CYP7B1: variants seen among roughly 807,000 people sequenced by gnomAD.
The protein encoded by CYP7B1 is cytochrome P450 family 7 subfamily B member 1.
In CYP7B1, 29 loss-of-function variants were observed where a neutral mutation model predicts 42.7. The ratio of observed to expected loss-of-function variants is 0.68; its 90% CI spans 0.51 to 0.93. The LOEUF is 0.93. CYP7B1 is among the 40% of genes least tolerant of loss of function. The pLI is 0.00. For synonymous variants in CYP7B1, 235 were observed against 218.2 expected, an observed-to-expected ratio of 1.08 and a Z score of -0.68; for missense variants, 655 against 600.5, an observed-to-expected ratio of 1.09 and a Z score of -0.95.
intron 1 of CYP7B1, among the ~76,000 whole-genome samples, chr8:64,739,747 A>G (rs1004686142): frequency 1.3e-5 from 2 of 152,208 alleles, no homozygotes; most frequent in African/African-American, 2.4e-5. Context: ...CTGAATATTC[A>G]CATCTTGACA....
chr8:64,609,663 T>A (rs1249692692), intron 4 of CYP7B1, among the ~76,000 whole-genome samples: 1 of 152,058 alleles, frequency 6.6e-6, no homozygotes, highest in Admixed American at 6.6e-5. Context: ...TATTAATTTA[T>A]GTCCCTAGAC....
chr8:64,732,215 G>A (rs1354775998), intron 1 of CYP7B1, among the ~76,000 whole-genome samples: 2 of 152,312 alleles, frequency 1.3e-5, no homozygotes, highest in African/African-American at 4.8e-5. Flanking sequence ...GCCTGTGAAA[G>A]CAGCTGGGAG....
chr8:64,682,103 C>A (rs1355918707), intron 1 of CYP7B1, among the ~76,000 whole-genome samples: 1 of 152,084 alleles, frequency 6.6e-6, no homozygotes. Context: ...GGCAACCGTT[C>A]ATTAGAAAAT....
At chr8:64,738,434 G>A (rs546375053) in intron 1 of CYP7B1, among the ~76,000 whole-genome samples, 2 of 152,162 alleles carry the variant, frequency 1.3e-5, no homozygotes, top group Non-Finnish European at 2.9e-5. Flanking sequence ...TCACAGAATC[G>A]TTGGCAAATC....
At chr8:64,695,253 A>G (rs1806806203) in intron 1 of CYP7B1, among the ~76,000 whole-genome samples, 1 of 152,122 alleles carries the variant, frequency 6.6e-6, no homozygotes, top group Non-Finnish European at 1.5e-5. Context: ...GTCTCAGAAG[A>G]GGTCTGAGGA....
chr8:64,767,853 G>A (rs1243992166), intron 1 of CYP7B1, among the ~76,000 whole-genome samples: 2 of 152,052 alleles, frequency 1.3e-5, no homozygotes, highest in South Asian at 2.1e-4. Context: ...AAGATCTACC[G>A]CAGACCCCTG....
intron 1 of CYP7B1, among the ~76,000 whole-genome samples, chr8:64,759,025 A>G (rs1403618336): frequency 6.6e-6 from 1 of 152,210 alleles, no homozygotes; most frequent in Non-Finnish European, 1.5e-5. Context: ...AGTTCACCAA[A>G]CACCATGGAG....
chr8:64,723,171 ACTCTGCAGCATG>A (rs1472650891), intron 1 of CYP7B1, among the ~76,000 whole-genome samples: 12 of 152,194 alleles, frequency 7.9e-5, no homozygotes, highest in Admixed American at 7.9e-4. Flanking sequence ...ACATGAGATA[ACTCTGCAGCATG>A]CTCCAGTGAC....
chr8:64,730,070 T>C (rs1807385623), intron 1 of CYP7B1, among the ~76,000 whole-genome samples: 1 of 152,050 alleles, frequency 6.6e-6, no homozygotes, highest in Admixed American at 6.5e-5. Flanking sequence ...TATTGATTGA[T>C]TGATTGATTG....
At chr8:64,615,585 T>C (rs1805426307) in intron 3 of CYP7B1, 106 bp downstream of exon 3, 1 of 1,080,938 alleles carries the variant, frequency 9.3e-7, no homozygotes, top group Non-Finnish European at 1.4e-6. Flanking sequence ...ATTAGCCAAT[T>C]AGAAAGAGCA....
At chr8:64,781,294 G>A (rs913973058) in intron 1 of CYP7B1, among the ~76,000 whole-genome samples, 2 of 152,154 alleles carry the variant, frequency 1.3e-5, no homozygotes, top group Admixed American at 6.5e-5. Context: ...AAGAACATGG[G>A]GAATATGGCC....
chr8:64,587,093 C>T (rs1023517368), downstream of CYP7B1, among the ~76,000 whole-genome samples: 1 of 152,194 alleles, frequency 6.6e-6, no homozygotes, highest in African/African-American at 2.4e-5. Flanking sequence ...GGTAGGATAA[C>T]GAGGAGAGTG....
At chr8:64,619,698 A>G (rs557825026) in intron 2 of CYP7B1, among the ~76,000 whole-genome samples, 1 of 152,216 alleles carries the variant, frequency 6.6e-6, no homozygotes, top group African/African-American at 2.4e-5. Flanking sequence ...TAGCCTTTCC[A>G]CTTCCGTTAA....
intron 1 of CYP7B1, among the ~76,000 whole-genome samples, chr8:64,673,303 A>G (rs900088495): frequency 6.6e-6 from 1 of 152,128 alleles, no homozygotes; most frequent in African/African-American, 2.4e-5. Flanking sequence ...TCTGTTCAGG[A>G]ATTGGAATGC....
At chr8:64,660,309 C>T (rs1806182728) in intron 1 of CYP7B1, among the ~76,000 whole-genome samples, 1 of 152,120 alleles carries the variant, frequency 6.6e-6, no homozygotes, top group African/African-American at 2.4e-5. Context: ...ACAAACTAGC[C>T]CTAAACCAAT....
intron 2 of CYP7B1, among the ~76,000 whole-genome samples, chr8:64,621,910 ATT>A (rs879613313): frequency 5.9e-5 from 8 of 136,340 alleles, no homozygotes; most frequent in South Asian, 2.4e-4. Context: ...TAATTTTTGT[ATT>A]TTTTTTTTTT....
chr8:64,690,806 T>C (rs1806728238), intron 1 of CYP7B1, among the ~76,000 whole-genome samples: 1 of 152,238 alleles, frequency 6.6e-6, no homozygotes, highest in Non-Finnish European at 1.5e-5. Context: ...TGCTGTGGGA[T>C]GTGGATACAA....
intron 1 of CYP7B1, among the ~76,000 whole-genome samples, chr8:64,764,753 C>A (rs1197384336): frequency 6.6e-6 from 1 of 152,110 alleles, no homozygotes; most frequent in African/African-American, 2.4e-5. Context: ...GCATACCTCA[C>A]CAGTTCAGAC....
chr8:64,593,908 G>GA lies in CYP7B1; in HGVS notation c.*2733dup, dbSNP rs1805076873. ...AAGAACAAAAGGGAATCGTAAAACTGAAAAATGTAATGATTGAACTTAGCA... is the reference window on the plus strand; with the variant it reads ...AAGAACAAAAGGGAATCGTAAAACTGAAAAAATGTAATGATTGAACTTAGCA... On this transcript the variant is annotated 3_prime_UTR_variant, in exon 6 of 6. Coordinates refer to ENST00000310193, the MANE Select transcript of CYP7B1 (RefSeq NM_004820.5). Among the ~76,000 whole-genome samples, 1 of 152,152 alleles carries GA rather than the reference G, an allele frequency of 6.6e-6. No homozygotes were observed. Among genetic ancestry groups the GA allele is most frequent in the African/African-American group, 2.4e-5 (1 of 41,436 alleles).
Sources: gnomAD v4.1 joint callset for allele counts (sites outside exome capture counted in the v4.1 genomes callset) on GRCh38, gnomAD v4.1.1 for gene constraint, MANE v1.5 for transcripts, NCBI Gene and HGNC (gene_info 2026-07-23, HGNC 2026-07-21) for gene names.